MAPKAP1: variants seen among roughly 807,000 people sequenced by gnomAD.
MAPKAP1 encodes MAPK associated protein 1, also known as target of rapamycin complex 2 subunit MAPKAP1.
In MAPKAP1, 20 loss-of-function variants were observed where a neutral mutation model predicts 65.7. The ratio of observed to expected loss-of-function variants is 0.30; its 90% CI spans 0.21 to 0.44. The LOEUF is 0.44. Ranked by LOEUF, MAPKAP1 falls within the 20% of genes least tolerant of loss-of-function variation. The probability of loss-of-function intolerance (pLI) is 1.00; values close to 1 mark genes in which losing one functional copy is unlikely to be tolerated. For synonymous variants in MAPKAP1, 222 were observed against 244.3 expected (o/e 0.91, Z 0.85); for missense variants, 423 against 648.0 (o/e 0.65, Z 3.77).
At chr9:125,547,845 AGT>A (rs1459613191) in intron 6 of MAPKAP1, among the ~76,000 whole-genome samples, 1 of 152,246 alleles carries the variant, frequency 6.6e-6, no homozygotes, top group Non-Finnish European at 1.5e-5. Flanking sequence ...CCTTTTTGAA[AGT>A]GTTAACTATG....
chr9:125,450,547 T>A (rs185771356), intron 10 of MAPKAP1, among the ~76,000 whole-genome samples: 1 of 152,220 alleles, frequency 6.6e-6, no homozygotes, highest in African/African-American at 2.4e-5. Flanking sequence ...AGACGTGAGC[T>A]ATGGGTCATG....
At chr9:125,531,894 A>AT (rs1186708218) in intron 7 of MAPKAP1, among the ~76,000 whole-genome samples, 1 of 152,172 alleles carries the variant, frequency 6.6e-6, no homozygotes, top group Non-Finnish European at 1.5e-5. Context: ...TTTGTTTAAG[A>AT]TTTTCTTTTT....
At chr9:125,472,184 A>G (rs1853948967) in intron 9 of MAPKAP1, among the ~76,000 whole-genome samples, 1 of 152,204 alleles carries the variant, frequency 6.6e-6, no homozygotes, top group Admixed American at 6.5e-5. Flanking sequence ...AATGTTTCAT[A>G]TAACATATCC....
chr9:125,525,412 G>A (rs934890496), intron 7 of MAPKAP1, among the ~76,000 whole-genome samples: 1 of 152,154 alleles, frequency 6.6e-6, no homozygotes, highest in East Asian at 1.9e-4. Flanking sequence ...GGTGGCTCAC[G>A]CCTGTAATCA....
chr9:125,457,590 G>A (rs1853235027), intron 10 of MAPKAP1, among the ~76,000 whole-genome samples: 2 of 152,224 alleles, frequency 1.3e-5, no homozygotes, highest in Non-Finnish European at 2.9e-5. Flanking sequence ...TCTGCATTGT[G>A]CTGTCCTTTA....
At chr9:125,523,081 C>A (rs918463297) in intron 7 of MAPKAP1, among the ~76,000 whole-genome samples, 1 of 152,168 alleles carries the variant, frequency 6.6e-6, no homozygotes, top group African/African-American at 2.4e-5. Flanking sequence ...GTCTTCAAGG[C>A]AATAGGATTT....
At chr9:125,704,616 G>A (rs1835704110) in intron 1 of MAPKAP1, among the ~76,000 whole-genome samples, 1 of 152,114 alleles carries the variant, frequency 6.6e-6, no homozygotes, top group Admixed American at 6.6e-5. Context: ...TTATTAACTG[G>A]AAAAGTTATT....
chr9:125,664,997 T>C (rs2131778661), intron 3 of MAPKAP1, among the ~76,000 whole-genome samples: 1 of 152,160 alleles, frequency 6.6e-6, no homozygotes, highest in African/African-American at 2.4e-5. Context: ...GCTAATTTAC[T>C]GGCTTTGAAT....
chr9:125,651,050 T>G (rs1057419854), intron 4 of MAPKAP1, among the ~76,000 whole-genome samples: 2 of 152,162 alleles, frequency 1.3e-5, no homozygotes, highest in African/African-American at 4.8e-5. Flanking sequence ...CACTGCAGCC[T>G]CAACCTCCTG....
chr9:125,456,605 G>GT (rs1434598521), intron 10 of MAPKAP1, among the ~76,000 whole-genome samples: 1 of 152,212 alleles, frequency 6.6e-6, no homozygotes, highest in African/African-American at 2.4e-5. Context: ...ATAGAAGACT[G>GT]TAACTTATTC....
chr9:125,693,885 T>A, intron 1 of MAPKAP1, among the ~76,000 whole-genome samples: 3 of 122,966 alleles, frequency 2.4e-5, no homozygotes, highest in African/African-American at 3.2e-5. Flanking sequence ...ATATATATAG[T>A]TGGCCGGGCA....
intron 4 of MAPKAP1, among the ~76,000 whole-genome samples, chr9:125,637,116 A>T (rs1589367934): frequency 6.6e-6 from 1 of 152,100 alleles, no homozygotes; most frequent in African/African-American, 2.4e-5. Flanking sequence ...TAAAAATACA[A>T]AAGTTAGCCG....
intron 7 of MAPKAP1, among the ~76,000 whole-genome samples, chr9:125,526,064 G>C (rs1397516045): frequency 6.6e-6 from 1 of 152,222 alleles, no homozygotes; most frequent in Non-Finnish European, 1.5e-5. Context: ...CGAGATTCAG[G>C]CTTGCTGGCA....
intron 1 of MAPKAP1, among the ~76,000 whole-genome samples, chr9:125,686,976 C>T (rs960234997): frequency 3.9e-5 from 6 of 152,024 alleles, no homozygotes; most frequent in African/African-American, 1.4e-4. Context: ...ACAGGTGCCA[C>T]CACCACGCCC....
intron 5 of MAPKAP1, among the ~76,000 whole-genome samples, chr9:125,584,034 G>C (rs1316197709): frequency 3.3e-5 from 5 of 151,534 alleles, no homozygotes; most frequent in African/African-American, 4.9e-5. Flanking sequence ...CTGCACTCCA[G>C]CCTGGGCGAC....
chr9:125,616,724 G>A (rs1005149648), intron 4 of MAPKAP1, among the ~76,000 whole-genome samples: 4 of 152,086 alleles, frequency 2.6e-5, no homozygotes, highest in African/African-American at 9.7e-5. Context: ...TGCTGGAGGG[G>A]CACACATGGG....
intron 7 of MAPKAP1, among the ~76,000 whole-genome samples, chr9:125,523,848 G>A (rs568012811): frequency 2.0e-4 from 31 of 152,176 alleles, no homozygotes; most frequent in African/African-American, 6.7e-4. Context: ...CAGTTCCCCC[G>A]CTGTCCTTAT....
chr9:125,443,715 C>T (rs1852590726), intron 11 of MAPKAP1, among the ~76,000 whole-genome samples: 1 of 146,662 alleles, frequency 6.8e-6, no homozygotes. Flanking sequence ...GCCCCCCCAG[C>T]CCCCCATCCC....
chr9:125,681,618 A>G (rs1427947961), intron 1 of MAPKAP1, among the ~76,000 whole-genome samples: 1 of 152,230 alleles, frequency 6.6e-6, no homozygotes, highest in Non-Finnish European at 1.5e-5. Context: ...TGATTCTCAC[A>G]CTTCTCCACG....
Sources: allele counts gnomAD v4.1 joint callset (sites outside exome capture counted in the v4.1 genomes callset), GRCh38; gene constraint gnomAD v4.1.1; transcripts MANE v1.5; gene names NCBI Gene and HGNC (gene_info 2026-07-23, HGNC 2026-07-21).